PARVB: variants seen among roughly 807,000 people sequenced by gnomAD.
PARVB encodes parvin beta.
A neutral mutation model predicts 47.0 loss-of-function variants in PARVB; 46 were observed. The ratio of observed to expected loss-of-function variants is 0.98; its 90% CI spans 0.77 to 1.25. PARVB has a LOEUF of 1.25. Among genes scored for constraint, PARVB ranks in the 50% most tolerant of loss-of-function variants. The pLI is 0.00. For missense variants in PARVB, 473 were observed against 471.6 expected (o/e 1.00, Z -0.03); for synonymous variants, 196 against 196.3 (o/e 1.00, Z 0.01).
At chr22:44,056,650 C>A (rs1180124361) in intron 1 of PARVB, among the ~76,000 whole-genome samples, 1 of 151,922 alleles carries the variant, frequency 6.6e-6, no homozygotes, top group Non-Finnish European at 1.5e-5. Context: ...GGACGACAGG[C>A]GTGCACAGCC....
chr22:44,123,449 CATTGGCTGGCCTGGAGTGTGGGGGTACA>C (rs1452114722), intron 4 of PARVB, among the ~76,000 whole-genome samples: 14 of 152,130 alleles, frequency 9.2e-5, no homozygotes, highest in Admixed American at 9.2e-4. Context: ...GGTCTCACTC[CATTGGCTGGCCTGGAGTGTGGGGGTACA>C]ATCATGGCTC....
chr22:44,034,450 C>G (rs56009813), intron 1 of PARVB, among the ~76,000 whole-genome samples: 1,807 of 151,062 alleles, frequency 0.012, 37 homozygotes, highest in African/African-American at 0.042. Context: ...TGGCTGTTCA[C>G]AGGCCAGATC....
At chr22:44,051,551 T>C (rs1212467187) in intron 1 of PARVB, among the ~76,000 whole-genome samples, 1 of 152,144 alleles carries the variant, frequency 6.6e-6, no homozygotes, top group African/African-American at 2.4e-5. Flanking sequence ...CACCCCAACC[T>C]TTCTTGCTGG....
intron 2 of PARVB, among the ~76,000 whole-genome samples, chr22:44,096,963 T>C (rs1451556430): frequency 6.6e-6 from 1 of 152,076 alleles, no homozygotes; most frequent in Non-Finnish European, 1.5e-5. Context: ...TCTGAGCCCA[T>C]GTCTGACCCC....
At chr22:44,062,957 G>A (rs9614323) in intron 1 of PARVB, among the ~76,000 whole-genome samples, 1 of 152,154 alleles carries the variant, frequency 6.6e-6, no homozygotes, top group African/African-American at 2.4e-5. Flanking sequence ...GGGTTGGGGG[G>A]TGTGGAGCTG....
chr22:44,084,488 C>T (rs1045727431), intron 1 of PARVB, among the ~76,000 whole-genome samples: 15 of 152,222 alleles, frequency 9.9e-5, no homozygotes, highest in African/African-American at 3.4e-4. Flanking sequence ...CCAAGGTGGC[C>T]ATCCTGGTGA....
intron 8 of PARVB, chr22:44,144,541 T>C (rs562397425): frequency 6.6e-6 from 1 of 152,398 alleles, no homozygotes; most frequent in South Asian, 2.1e-4. Flanking sequence ...CTCACACCTG[T>C]AGTCCCAGCA....
intron 4 of PARVB, among the ~76,000 whole-genome samples, chr22:44,121,876 G>A (rs560010748): frequency 7.7e-4 from 117 of 152,142 alleles, no homozygotes; most frequent in Admixed American, 2.2e-3. Context: ...TACTCTGATT[G>A]CATACAAAAA....
chr22:44,078,881 A>G (rs2051835796), intron 1 of PARVB, among the ~76,000 whole-genome samples: 1 of 152,060 alleles, frequency 6.6e-6, no homozygotes, highest in African/African-American at 2.4e-5. Flanking sequence ...CAGACCACCA[A>G]GTGCAGCTAA....
At chr22:44,069,116 G>A (rs771779713) in intron 1 of PARVB, 19 of 1,611,956 alleles carry the variant, frequency 1.2e-5, no homozygotes, top group South Asian at 5.5e-5. Context: ...GACGTCCGCC[G>A]GCTGTGCTGG....
intron 3 of PARVB, among the ~76,000 whole-genome samples, chr22:44,118,022 G>C (rs2052950316): frequency 6.6e-6 from 1 of 152,188 alleles, no homozygotes; most frequent in Non-Finnish European, 1.5e-5. Context: ...CCGGTGAACT[G>C]AATGGAAAAT....
At chr22:44,104,535 A>C (rs1357353543) in intron 3 of PARVB, 1 of 152,374 alleles carries the variant, frequency 6.6e-6, no homozygotes. Context: ...TCAGGCATGC[A>C]GGGGGCTCTC....
intron 12 of PARVB, among the ~76,000 whole-genome samples, chr22:44,166,656 G>A (rs1785603370): frequency 1.3e-5 from 2 of 152,238 alleles, no homozygotes; most frequent in African/African-American, 4.8e-5. Context: ...GTGTCCCAGG[G>A]CCTCTGTCCA....
intron 10 of PARVB, among the ~76,000 whole-genome samples, chr22:44,154,030 G>T (rs973189699): frequency 6.6e-6 from 1 of 152,146 alleles, no homozygotes; most frequent in African/African-American, 2.4e-5. Context: ...TTTGCTGTGT[G>T]GGGGCCCCTG....
intron 2 of PARVB, among the ~76,000 whole-genome samples, chr22:44,011,938 T>C (rs779778492): frequency 3.9e-5 from 6 of 152,220 alleles, no homozygotes; most frequent in Non-Finnish European, 7.3e-5. Flanking sequence ...AAGCAGGTGA[T>C]ACCTGGATGG....
intron 4 of PARVB, among the ~76,000 whole-genome samples, chr22:44,123,690 C>T (rs1329148501): frequency 6.7e-6 from 1 of 149,074 alleles, no homozygotes; most frequent in Admixed American, 6.7e-5. Flanking sequence ...GTGGGGTTTA[C>T]AGGCATGAGC....
intron 1 of PARVB, among the ~76,000 whole-genome samples, chr22:44,059,116 G>C (rs1157046767): frequency 6.9e-6 from 1 of 145,858 alleles, no homozygotes; most frequent in Non-Finnish European, 1.5e-5. Flanking sequence ...CACGATCTCA[G>C]GTCACTACAA....
intron 3 of PARVB, among the ~76,000 whole-genome samples, 199 bp downstream of exon 3, chr22:44,100,322 T>G (rs1389190291): frequency 6.6e-6 from 1 of 152,174 alleles, no homozygotes; most frequent in Non-Finnish European, 1.5e-5. Flanking sequence ...GCCTCCCATG[T>G]GCCCTGCTCG....
intron 4 of PARVB, among the ~76,000 whole-genome samples, chr22:44,130,937 C>T (rs949991136): frequency 1.6e-4 from 25 of 151,602 alleles, no homozygotes; most frequent in African/African-American, 5.3e-4. Flanking sequence ...CATCTCAAGA[C>T]GCCCCCATGG....
Sources: gnomAD v4.1 joint callset for allele counts (sites outside exome capture counted in the v4.1 genomes callset) on GRCh38, gnomAD v4.1.1 for gene constraint, MANE v1.5 for transcripts, NCBI Gene and HGNC (gene_info 2026-07-23, HGNC 2026-07-21) for gene names.